The following ZNF529 variants were observed in gnomAD, a reference collection of about 807,000 sequenced individuals.
ZNF529 encodes zinc finger protein 529.
A neutral mutation model predicts 10.1 loss-of-function variants in ZNF529; 11 were observed. The observed-to-expected ratio is 1.09, with a 90% CI of 0.69 to 1.81. ZNF529 has a LOEUF of 1.81. Ranked by LOEUF, ZNF529 falls within the 40% of genes most tolerant of loss-of-function variation. ZNF529 has a pLI of 0.00. For missense variants in ZNF529, 624 were observed against 666.8 expected (o/e 0.94, Z 0.71); for synonymous variants, 204 against 215.7 (o/e 0.95, Z 0.47).
At chr19:36,568,394 G>A (rs1316529363) in intron 2 of ZNF529, among the ~76,000 whole-genome samples, 1 of 151,914 alleles carries the variant, frequency 6.6e-6, no homozygotes, top group Non-Finnish European at 1.5e-5. Flanking sequence ...ACAAAGCAGA[G>A]CTTATTTGGA....
chr19:36,548,436 T>C, intron 4 of ZNF529, 114 bp from the exon 5 acceptor site: 1 of 1,037,386 alleles, frequency 9.6e-7, no homozygotes, highest in Non-Finnish European at 1.4e-6. Flanking sequence ...AATACTGTCA[T>C]GAAAGATAAA....
chr19:36,550,832 T>C (rs1049904314), intron 4 of ZNF529, among the ~76,000 whole-genome samples: 3 of 152,248 alleles, frequency 2.0e-5, no homozygotes, highest in Non-Finnish European at 4.4e-5. Context: ...CCTATGCTAA[T>C]AAAGCTGAAA....
At chr19:36,550,320 A>C (rs2035211821) in intron 4 of ZNF529, among the ~76,000 whole-genome samples, 1 of 152,202 alleles carries the variant, frequency 6.6e-6, no homozygotes, top group Non-Finnish European at 1.5e-5. Flanking sequence ...AGGTGTGCGG[A>C]TCACTTGAGG....
At chr19:36,575,175 G>C (rs1392859933), upstream of ZNF529, among the ~76,000 whole-genome samples, 1 of 152,192 alleles carries the variant, frequency 6.6e-6, no homozygotes, top group Non-Finnish European at 1.5e-5. Flanking sequence ...CATGATAACT[G>C]AAAATGGATC....
At position 36,547,571 on chromosome 19, in the gene ZNF529, C is replaced by T; in HGVS notation, c.987G>A (p.Gln329=). The T allele has an allele frequency of 6.2e-7, 1 of 1,613,904 alleles. No homozygotes were observed. Among genetic ancestry groups the T allele is most frequent in the Middle Eastern group, 1.7e-4 (1 of 6,056 alleles). Reference sequence around the variant, plus strand: ...AGGGTTTCTCACCAGTATGAATTCTCTGATGTTCGGTAAGCTGTGAATGAA... The same window carrying T: ...AGGGTTTCTCACCAGTATGAATTCTTTGATGTTCGGTAAGCTGTGAATGAA... ...FRFHSQLTEH[Q]RIHTGEKPYK... Residue 329 remains glutamine, a synonymous_variant, in exon 5 of 5, where the codon CAG becomes CAA. Coordinates refer to ENST00000591340, the MANE Select transcript of ZNF529 (RefSeq NM_020951.5).
In ZNF529 at chr19:36,544,472, A is replaced by C. The variant is rs2034941032; in HGVS notation, c.*2394T>G. 1.3e-5 allele frequency: 2 copies of C among 152,224 alleles called. No homozygotes were observed. The highest frequency in any genetic ancestry group is 4.8e-5 in the African/African-American group (2 of 41,448). 9.4% of individuals were successfully genotyped at this position (152,224 alleles called of 1,614,324 possible). On this transcript the variant is annotated 3_prime_UTR_variant, in exon 5 of 5. Transcript: ENST00000591340. Reference sequence around the variant, plus strand: ...TTGTTTAAGCTGGAAGGAAAAAAACACACACAAAGAAATATAGGACAAGTT... The same window carrying C: ...TTGTTTAAGCTGGAAGGAAAAAAACCCACACAAAGAAATATAGGACAAGTT...
At chr19:36,564,030 C>A (rs756360346) in intron 2 of ZNF529, among the ~76,000 whole-genome samples, 1 of 152,150 alleles carries the variant, frequency 6.6e-6, no homozygotes, top group Non-Finnish European at 1.5e-5. Flanking sequence ...ACTCCCTATT[C>A]AATAAATGGT....
chr19:36,559,190 AT>A (rs1458158624), intron 2 of ZNF529, among the ~76,000 whole-genome samples: 2 of 152,226 alleles, frequency 1.3e-5, no homozygotes, highest in South Asian at 2.1e-4. Context: ...AGGGATGTAA[AT>A]TGGTACAGTC....
At chr19:36,553,091 A>C (rs938824964) in intron 4 of ZNF529, among the ~76,000 whole-genome samples, 2 of 152,178 alleles carry the variant, frequency 1.3e-5, no homozygotes, top group African/African-American at 4.8e-5. Context: ...AATAATAGAA[A>C]TAGCACTTAT....
chr19:36,560,284 GA>G (rs2035638557), intron 2 of ZNF529, among the ~76,000 whole-genome samples: 1 of 143,930 alleles, frequency 6.9e-6, no homozygotes, highest in African/African-American at 2.6e-5. Flanking sequence ...AAAAAAAAGA[GA>G]AGCAAGCCAG....
intron 2 of ZNF529, among the ~76,000 whole-genome samples, chr19:36,586,713 A>G (rs1396782585): frequency 6.6e-6 from 1 of 152,164 alleles, no homozygotes; most frequent in East Asian, 1.9e-4. Context: ...TTCAGTAGAG[A>G]GATAACTCTG....
Position 36,546,793 on chromosome 19 carries a change from G to C in ZNF529, c.*73C>G. 6.7e-7 allele frequency: 1 copy of C among 1,486,420 alleles called. No individual in the cohort carries two copies. Among genetic ancestry groups the C allele is most frequent in the East Asian group, 2.3e-5 (1 of 44,078 alleles). 92.1% of individuals were successfully genotyped at this position (1,486,420 alleles called of 1,614,324 possible). On this transcript the variant is annotated 3_prime_UTR_variant, in exon 5 of 5. Coordinates refer to ENST00000591340, the MANE Select transcript of ZNF529 (RefSeq NM_020951.5). Reference sequence around the variant, plus strand: ...AGAGAGGGAGATACTGAATTGCCTTGATTACCTATTAAATCCATCCACAGT... The same window carrying C: ...AGAGAGGGAGATACTGAATTGCCTTCATTACCTATTAAATCCATCCACAGT...
At chr19:36,592,509 G>A (rs1035863685) in intron 1 of ZNF529, among the ~76,000 whole-genome samples, 2 of 148,384 alleles carry the variant, frequency 1.3e-5, no homozygotes, top group East Asian at 4.1e-4. Context: ...CAAGAGAATC[G>A]CTTGAACCTG....
At chr19:36,600,176 G>A (rs1051651863) in intron 1 of ZNF529, among the ~76,000 whole-genome samples, 1 of 152,042 alleles carries the variant, frequency 6.6e-6, no homozygotes, top group African/African-American at 2.4e-5. Context: ...ACCAAGTCTT[G>A]TACATTCTCT....
chr19:36,574,165 A>G (rs962405807), upstream of ZNF529, among the ~76,000 whole-genome samples: 1 of 152,220 alleles, frequency 6.6e-6, no homozygotes, highest in Non-Finnish European at 1.5e-5. Flanking sequence ...ATGTGGTTTT[A>G]TACCTTTTAG....
At chr19:36,598,723 A>G (rs1453205690) in intron 1 of ZNF529, among the ~76,000 whole-genome samples, 2 of 152,048 alleles carry the variant, frequency 1.3e-5, no homozygotes, top group African/African-American at 4.8e-5. Flanking sequence ...AATTAAGTGG[A>G]AAAAAAACTA....
chr19:36,553,365 G>A (rs758655936), intron 4 of ZNF529, among the ~76,000 whole-genome samples: 3 of 151,996 alleles, frequency 2.0e-5, no homozygotes, highest in Non-Finnish European at 2.9e-5. Flanking sequence ...GCGAACTCCT[G>A]AGCTCAGGCA....
intron 1 of ZNF529, among the ~76,000 whole-genome samples, chr19:36,592,653 T>C (rs549191258): frequency 2.0e-5 from 3 of 150,690 alleles, no homozygotes; most frequent in African/African-American, 7.3e-5. Flanking sequence ...TCTAGAAATA[T>C]GTAAAAAGGT....
chr19:36,563,493 G>GA (rs1226213482), intron 2 of ZNF529, among the ~76,000 whole-genome samples: 2 of 151,534 alleles, frequency 1.3e-5, no homozygotes, highest in Non-Finnish European at 2.9e-5. Flanking sequence ...TAAGACGATG[G>GA]AAAAAACGGT....
Sources: allele counts gnomAD v4.1 joint callset (sites outside exome capture counted in the v4.1 genomes callset), GRCh38; gene constraint gnomAD v4.1.1; transcripts MANE v1.5; gene names NCBI Gene and HGNC (gene_info 2026-07-23, HGNC 2026-07-21).